DNAH7: variants seen among roughly 807,000 people sequenced by gnomAD.
The protein encoded by DNAH7 is axonemal beta dynein heavy chain 7.
In DNAH7, 397 loss-of-function variants were observed where a neutral mutation model predicts 444.6. The ratio of observed to expected loss-of-function variants is 0.89; its 90% CI spans 0.82 to 0.97. The LOEUF (loss-of-function observed/expected upper bound fraction) is 0.97. DNAH7 is among the 50% of genes least tolerant of loss of function. DNAH7 has a pLI of 0.00. For missense variants in DNAH7, 4,902 were observed against 4,800.8 expected (o/e 1.02, Z -0.62); for synonymous variants, 1,636 against 1,624.4 (o/e 1.01, Z -0.17).
At chr2:196,065,983 G>A (rs1698407948) in intron 1 of DNAH7, among the ~76,000 whole-genome samples, 1 of 152,166 alleles carries the variant, frequency 6.6e-6, no homozygotes, top group Admixed American at 6.5e-5. Context: ...ATGTTCTTCA[G>A]TTAAGTCCTT....
chr2:195,787,010 C>T lies in DNAH7; in HGVS notation c.10878G>A (p.Glu3626=), dbSNP rs1695653106. The stretch of plus-strand genomic sequence containing the variant: ...GTCCTTGCTGTGATTTTTATGATAC[C>T]TCATACTGGTTCAGGAACATGTGGA... ...QQLHMFLNQY[E]ELPYEALRYM... is the part of the protein sequence containing the mutation. Residue 3626 remains glutamate, a splice_region_variant and synonymous_variant, in exon 58 of 65, where the codon GAG becomes GAA. Transcript: ENST00000312428. 1 of 1,575,622 alleles carries T rather than the reference C, an allele frequency of 6.3e-7. No individual in the cohort carries two copies. Among genetic ancestry groups the T allele is most frequent in the African/African-American group, 1.4e-5 (1 of 72,952 alleles).
At chr2:195,994,520 G>A in intron 12 of DNAH7, 1 of 486,470 alleles carries the variant, frequency 2.1e-6, no homozygotes. Flanking sequence ...CGTTGGAATT[G>A]GGTTTAGAGA....
chr2:195,774,186 C>A (rs1694964830), intron 60 of DNAH7, among the ~76,000 whole-genome samples: 1 of 152,226 alleles, frequency 6.6e-6, no homozygotes, highest in African/African-American at 2.4e-5. Context: ...ATGTGGCACA[C>A]CCCGTCAAGT....
Position 195,895,111 on chromosome 2 carries a change from G to T in DNAH7, c.4761C>A (p.Phe1587Leu), listed in dbSNP as rs1189877737. 1.2e-6 allele frequency: 2 copies of T among 1,613,754 alleles called. No homozygotes were observed. The highest frequency in any genetic ancestry group is 1.3e-5 in the African/African-American group (1 of 75,020). ...ATACTTGAAGAATCTTCTCGGAAAA[G>T]AATGCAGTCATTTGCAAATTCATGG... is the stretch of plus-strand genomic sequence containing the variant. ...CASMNLQMTAFFSEKILQVYE... is the reference protein window; with the variant it reads ...CASMNLQMTALFSEKILQVYE... The change falls in exon 30 of 65, where the codon TTC becomes TTA. Residue 1587 changes from phenylalanine to leucine, a missense_variant. By Grantham distance (22) the Phe-to-Leu change is conservative. Coordinates refer to ENST00000312428, the MANE Select transcript of DNAH7 (RefSeq NM_018897.3).
chr2:195,881,912 GATTTC>G lies in DNAH7; in HGVS notation c.5839_5843del (p.Glu1947HisfsTer48). On this transcript the variant is annotated frameshift_variant, in exon 36 of 65. Coordinates refer to ENST00000312428, the MANE Select transcript of DNAH7 (RefSeq NM_018897.3). LOFTEE classifies it high-confidence loss of function. ...GAATTGTGTCCAGAGTTGGCACAATGATTTCATTAAACATTACATCTTTAGGAATT... is the reference window on the plus strand; with the variant it reads ...GAATTGTGTCCAGAGTTGGCACAATGATTAAACATTACATCTTTAGGAATT... The G allele has an allele frequency of 6.2e-7, 1 of 1,613,942 alleles. No homozygotes were observed. Among genetic ancestry groups the G allele is most frequent in the Non-Finnish European group, 8.5e-7 (1 of 1,179,882 alleles).
intron 24 of DNAH7, among the ~76,000 whole-genome samples, chr2:195,911,692 T>C (rs1012629256): frequency 6.6e-6 from 1 of 152,194 alleles, no homozygotes; most frequent in Admixed American, 6.5e-5. Context: ...TAACGAGTTT[T>C]AAGGGCTGAG....
intron 19 of DNAH7, among the ~76,000 whole-genome samples, chr2:195,955,682 A>G (rs996012056): frequency 6.6e-6 from 1 of 152,220 alleles, no homozygotes; most frequent in Non-Finnish European, 1.5e-5. Context: ...TGAGATATCT[A>G]TAAAATTTCT....
At chr2:196,028,267 T>C (rs1402331433) in intron 5 of DNAH7, among the ~76,000 whole-genome samples, 1 of 152,188 alleles carries the variant, frequency 6.6e-6, no homozygotes, top group Non-Finnish European at 1.5e-5. Flanking sequence ...TTGCAAGACC[T>C]ATTCAGAAAT....
chr2:195,873,564 T>C lies in DNAH7; in HGVS notation c.6413+4A>G. ...TAAAAAAAAAACAAATTTTGATTAC[T>C]TACCAGATTTCTAAATGCCAAGTTA... On this transcript the variant is annotated splice_donor_region_variant and intron_variant, in intron 39 of 64. Coordinates refer to ENST00000312428, the MANE Select transcript of DNAH7 (RefSeq NM_018897.3). 1 of 1,333,580 alleles carries C rather than the reference T, an allele frequency of 7.5e-7. No individual in the cohort carries two copies. Among genetic ancestry groups the C allele is most frequent in the African/African-American group, 1.5e-5 (1 of 65,596 alleles). 82.6% of individuals were successfully genotyped at this position (1,333,580 alleles called of 1,614,324 possible).
At chr2:195,926,402 A>G (rs1382183351) in intron 22 of DNAH7, 24 bp downstream of exon 22, 22 of 1,476,472 alleles carry the variant, frequency 1.5e-5, no homozygotes, top group Non-Finnish European at 1.6e-5. Context: ...GCTTAAAAAA[A>G]CCCGAGGGTT....
At chr2:195,920,645 A>G (rs569610024) in intron 24 of DNAH7, among the ~76,000 whole-genome samples, 2 of 152,342 alleles carry the variant, frequency 1.3e-5, no homozygotes, top group Non-Finnish European at 2.9e-5. Flanking sequence ...AAATCCTTCT[A>G]GACATTGGCT....
Position 195,794,374 on chromosome 2 carries a change from G to GA in DNAH7, c.10679dup (p.Ser3561LeufsTer2), listed in dbSNP as rs1221845566. On this transcript the variant is annotated frameshift_variant, in exon 57 of 65. Transcript: ENST00000312428. LOFTEE classifies it high-confidence loss of function. ...AGCTGCCAAAGAACTCCGGATCAGA[G>GA]ATCGGGTCCATGAGGTATGATCGAA... 4 of 1,614,012 alleles carry GA rather than the reference G, an allele frequency of 2.5e-6. No individual in the cohort carries two copies. Among genetic ancestry groups the GA allele is most frequent in the Non-Finnish European group, 3.4e-6 (4 of 1,180,022 alleles).
chr2:195,888,287 A>C lies in DNAH7; in HGVS notation c.5377T>G (p.Ser1793Ala), dbSNP rs765415735. 3.4e-5 allele frequency: 54 copies of C among 1,610,618 alleles called. No homozygotes were observed. The highest frequency in any genetic ancestry group is 4.2e-5 in the Non-Finnish European group (49 of 1,178,934). Reference sequence around the variant, plus strand: ...GTATGCTTTCTAATAAATTCAACCGAAACAGGGACCATTCTGTCAAATAAG... The same window carrying C: ...GTATGCTTTCTAATAAATTCAACCGCAACAGGGACCATTCTGTCAAATAAG... ...MGLFDRMVPV[S>A]VEFIRKHTKE... The change falls in exon 33 of 65, where the codon TCG (serine) becomes GCG (alanine). Residue 1793 changes from serine (S) to alanine (A), a missense_variant. Transcript: ENST00000312428.
intron 63 of DNAH7, among the ~76,000 whole-genome samples, chr2:195,750,168 C>G (rs842740): frequency 0.26 from 39,652 of 151,926 alleles, 5,350 homozygotes; most frequent in Middle Eastern, 0.41. Context: ...CCACTGTTTT[C>G]AAGATGATTT....
chr2:195,997,642 T>C (rs1265091295), intron 12 of DNAH7, among the ~76,000 whole-genome samples: 1 of 152,184 alleles, frequency 6.6e-6, no homozygotes, highest in East Asian at 1.9e-4. Context: ...CTTGGACTCA[T>C]GGTGCGTTAA....
At chr2:196,037,550 T>C (rs1031191974) in intron 5 of DNAH7, among the ~76,000 whole-genome samples, 6 of 152,008 alleles carry the variant, frequency 3.9e-5, no homozygotes, top group African/African-American at 1.4e-4. Flanking sequence ...AAAGGATAGA[T>C]GTCACAAAAA....
intron 61 of DNAH7, among the ~76,000 whole-genome samples, chr2:195,768,620 T>C (rs1694697200): frequency 6.6e-6 from 1 of 152,068 alleles, no homozygotes; most frequent in Non-Finnish European, 1.5e-5. Context: ...TTCAAAGAGG[T>C]TCAACAATTT....
chr2:195,859,203 T>G (rs1347231026), intron 42 of DNAH7, among the ~76,000 whole-genome samples: 1 of 152,180 alleles, frequency 6.6e-6, no homozygotes, highest in Non-Finnish European at 1.5e-5. Flanking sequence ...TTAAACGCAC[T>G]TCAGTGCTCA....
At chr2:195,834,564 C>G (rs1413291226) in intron 47 of DNAH7, 2 of 438,720 alleles carry the variant, frequency 4.6e-6, no homozygotes, top group Non-Finnish European at 8.0e-6. Flanking sequence ...AACCATCCTG[C>G]AAAGTTCGCA....
Sources: allele counts gnomAD v4.1 joint callset (sites outside exome capture counted in the v4.1 genomes callset), GRCh38; gene constraint gnomAD v4.1.1; transcripts MANE v1.5; gene names NCBI Gene and HGNC (gene_info 2026-07-23, HGNC 2026-07-21).